The following PPIP5K1 variants were observed in gnomAD, a reference collection of about 807,000 sequenced individuals.
PPIP5K1 encodes diphosphoinositol pentakisphosphate kinase 1.
In PPIP5K1, 6 loss-of-function variants were observed where a neutral mutation model predicts 27.7. That is an observed-to-expected ratio of 0.22 (90% confidence interval 0.12 to 0.43). The LOEUF (loss-of-function observed/expected upper bound fraction) is 0.43, where lower values mean the gene tolerates loss of function less well. Among genes scored for constraint, PPIP5K1 ranks in the 20% least tolerant of loss-of-function variants. The probability of loss-of-function intolerance (pLI) is 1.00; values close to 1 mark genes in which losing one functional copy is unlikely to be tolerated. For synonymous variants in PPIP5K1, 145 were observed against 242.6 expected, an observed-to-expected ratio of 0.60 and a Z score of 3.74; for missense variants, 394 against 635.4, an observed-to-expected ratio of 0.62 and a Z score of 4.08.
chr15:43,551,665 G>A (rs2082219852), intron 30 of PPIP5K1, among the ~76,000 whole-genome samples: 1 of 124,278 alleles, frequency 8.0e-6, no homozygotes, highest in African/African-American at 3.9e-5. Flanking sequence ...TGCAGTGGCG[G>A]GATCTCGGCT....
chr15:43,537,724 G>GAGAGAGA (rs1252519393), intron 31 of PPIP5K1, among the ~76,000 whole-genome samples: 1 of 147,572 alleles, frequency 6.8e-6, no homozygotes, highest in Non-Finnish European at 1.5e-5. Flanking sequence ...GAGAGAGAGA[G>GAGAGAGA]AGAGAGAAGA....
Position 43,533,897 on chromosome 15 carries a change from C to T in PPIP5K1, c.*777G>A, listed in dbSNP as rs890505764. The T allele has an allele frequency of 2.0e-5, 3 of 152,130 alleles. No individual in the cohort carries two copies. The highest frequency in any genetic ancestry group is 7.2e-5 in the African/African-American group (3 of 41,414). The allele number at this position is 152,130 out of a possible 1,614,324, so 9.4% of individuals were successfully genotyped here. A position where few individuals can be genotyped will look rare whatever the true frequency, so the allele number is the denominator to read the frequency against. On this transcript the variant is annotated 3_prime_UTR_variant, in exon 32 of 32. Coordinates refer to ENST00000420765, the MANE Select transcript of PPIP5K1 (RefSeq NM_001394395.1). ...TTAAGTAGTTGCTCTGAATTTTGCA[C>T]AGCAGTCTAATACCTACTTTTCCCT...
chr15:43,547,855 T>C (rs1274346468), intron 30 of PPIP5K1, among the ~76,000 whole-genome samples: 1 of 152,210 alleles, frequency 6.6e-6, no homozygotes, highest in African/African-American at 2.4e-5. Context: ...CCCTATGAAT[T>C]AGAGGAGTCA....
chr15:43,539,821 A>G (rs1176188701), intron 30 of PPIP5K1, among the ~76,000 whole-genome samples: 10 of 152,208 alleles, frequency 6.6e-5, no homozygotes, highest in Admixed American at 6.5e-4. Flanking sequence ...CAATGCCCAT[A>G]TACCCGTCTC....
chr15:43,553,014 C>A (rs996299946), intron 30 of PPIP5K1, among the ~76,000 whole-genome samples: 1 of 151,888 alleles, frequency 6.6e-6, no homozygotes, highest in Non-Finnish European at 1.5e-5. Flanking sequence ...CCAGCCTGGA[C>A]GACAGAGTGA....
chr15:43,534,065 G>A lies in PPIP5K1; in HGVS notation c.*609C>T, dbSNP rs1024400020. The A allele has an allele frequency of 3.3e-5, 5 of 152,386 alleles. No homozygotes were observed. The highest frequency in any genetic ancestry group is 7.3e-5 in the Non-Finnish European group (5 of 68,034). 9.4% of individuals were successfully genotyped at this position (152,386 alleles called of 1,614,324 possible). ...CTCTATTTTCCAGACATTTCAGATAGCCATCCCGGGCTCACCTGAGGAGTG... is the reference window on the plus strand; with the variant it reads ...CTCTATTTTCCAGACATTTCAGATAACCATCCCGGGCTCACCTGAGGAGTG... On this transcript the variant is annotated 3_prime_UTR_variant, in exon 32 of 32. Transcript: ENST00000420765.
At chr15:43,559,281 C>G (rs1201183304) in intron 29 of PPIP5K1, among the ~76,000 whole-genome samples, 1 of 152,096 alleles carries the variant, frequency 6.6e-6, no homozygotes, top group African/African-American at 2.4e-5. Context: ...AACAAGGATC[C>G]AGAGGTAAGG....
intron 30 of PPIP5K1, among the ~76,000 whole-genome samples, chr15:43,549,039 AAAAAAAAAAAAAAAAAAATATAT>A (rs1300382448): frequency 1.1e-5 from 1 of 87,486 alleles, no homozygotes; most frequent in East Asian, 3.6e-4. Flanking sequence ...AAAAAAAAAA[AAAAAAAAAAAAAAAAAAATATAT>A]ATATATATAT....
chr15:43,535,333 G>A lies in PPIP5K1; in HGVS notation c.3814C>T (p.Gln1272Ter). The A allele has an allele frequency of 6.2e-7, 1 of 1,614,186 alleles. No individual in the cohort carries two copies. The highest frequency in any genetic ancestry group is 1.6e-4 in the Middle Eastern group (1 of 6,062). The change falls in exon 32 of 32, where the codon CAG becomes TAG. Residue 1272 changes from glutamine (Q) to a stop codon, truncating the protein, a stop_gained. Coordinates refer to ENST00000420765, the MANE Select transcript of PPIP5K1 (RefSeq NM_001394395.1). LOFTEE classifies it low-confidence loss of function (END_TRUNC). ...TGTGCTCCACTCCCAGGGGTCTCCT[G>A]GAGCAGCCCAAGGCCTTGATGTTCT... Reference protein sequence around the residue: ...AEEHQGLGLLQETPGSGAQEL... With the variant: ...AEEHQGLGLL
intron 30 of PPIP5K1, among the ~76,000 whole-genome samples, chr15:43,541,742 A>AG (rs77801852): frequency 0.025 from 3,803 of 151,874 alleles, 72 homozygotes; most frequent in Middle Eastern, 0.037. Context: ...AAAAAAAAAA[A>AG]AGAGAGAAAA....
chr15:43,548,997 A>G (rs1184303165), intron 30 of PPIP5K1, among the ~76,000 whole-genome samples: 1 of 134,520 alleles, frequency 7.4e-6, no homozygotes. Context: ...CACTGCACCC[A>G]AGCCTGGGTG....
rs957450730 is a variant in PPIP5K1, at chr15:43,534,952, C to G, written c.4195G>C (p.Val1399Leu). 1.9e-6 allele frequency: 3 copies of G among 1,614,066 alleles called. No individual in the cohort carries two copies. Among genetic ancestry groups the G allele is most frequent in the East Asian group, 2.2e-5 (1 of 44,898 alleles). ...SEEVSQPCQG[V>L]SVEVGKLVHK... is the part of the protein sequence containing the mutation. ...ACCAGCTTGCCAACCTCCACAGAGA[C>G]CCCCTGGCATGGCTGGCTGACCTCC... Residue 1399 changes from valine (V) to leucine (L), a missense_variant, in exon 32 of 32, where the codon GTC (valine) becomes CTC (leucine). By Grantham distance (32) the Val-to-Leu change is conservative. Transcript: ENST00000420765.
intron 30 of PPIP5K1, among the ~76,000 whole-genome samples, chr15:43,547,856 AGAG>A (rs2081569533): frequency 6.6e-6 from 1 of 152,212 alleles, no homozygotes; most frequent in Admixed American, 6.5e-5. Flanking sequence ...CCTATGAATT[AGAG>A]GAGTCAGCTT....
chr15:43,579,491 A>G (rs2084718257), intron 10 of PPIP5K1, among the ~76,000 whole-genome samples: 1 of 101,398 alleles, frequency 9.9e-6, no homozygotes, highest in Non-Finnish European at 1.7e-5. Context: ...GCATATAGAT[A>G]CACACATATG....
chr15:43,555,897 T>G (rs1188329802), intron 30 of PPIP5K1, among the ~76,000 whole-genome samples: 1 of 152,232 alleles, frequency 6.6e-6, no homozygotes, highest in East Asian at 1.9e-4. Flanking sequence ...TGAGCCACCA[T>G]GCCTGGCCTT....
intron 30 of PPIP5K1, among the ~76,000 whole-genome samples, chr15:43,541,794 C>T (rs2080759790): frequency 6.6e-6 from 1 of 151,866 alleles, no homozygotes; most frequent in African/African-American, 2.4e-5. Context: ...AGGTCATGTC[C>T]CACATTCTGG....
intron 30 of PPIP5K1, among the ~76,000 whole-genome samples, chr15:43,543,070 C>T (rs971286863): frequency 6.6e-6 from 1 of 151,606 alleles, no homozygotes; most frequent in African/African-American, 2.4e-5. Flanking sequence ...CAACATGCTG[C>T]AAGATCATCC....
intron 30 of PPIP5K1, among the ~76,000 whole-genome samples, chr15:43,542,453 A>G (rs2080866235): frequency 6.6e-6 from 1 of 151,552 alleles, no homozygotes; most frequent in Admixed American, 6.6e-5. Context: ...CACAATGCCT[A>G]GCTCATTTCT....
At chr15:43,552,624 G>C (rs1228633892) in intron 30 of PPIP5K1, among the ~76,000 whole-genome samples, 1 of 151,122 alleles carries the variant, frequency 6.6e-6, no homozygotes, top group Non-Finnish European at 1.5e-5. Flanking sequence ...GGGGTGAGTA[G>C]CTGGAGGTCG....
Sources: gnomAD v4.1 joint callset for allele counts (sites outside exome capture counted in the v4.1 genomes callset) on GRCh38, gnomAD v4.1.1 for gene constraint, MANE v1.5 for transcripts, NCBI Gene and HGNC (gene_info 2026-07-23, HGNC 2026-07-21) for gene names.